Variants in KLRG1 observed in about 807,000 individuals in gnomAD.
KLRG1 encodes killer cell lectin-like receptor subfamily G member 1.
Under a neutral mutation model 21.8 loss-of-function variants are expected in KLRG1, and 16 were observed. That is an observed-to-expected ratio of 0.73 (90% confidence interval 0.50 to 1.11). The LOEUF (loss-of-function observed/expected upper bound fraction) is 1.11. Ranked by LOEUF, KLRG1 falls within the 50% of genes most tolerant of loss-of-function variation. The probability of loss-of-function intolerance (pLI) is 0.00; values close to 1 mark genes in which losing one functional copy is unlikely to be tolerated. For synonymous variants in KLRG1, 69 were observed against 75.9 expected (o/e 0.91, Z 0.47); for missense variants, 173 against 218.3 (o/e 0.79, Z 1.31).
chr12:9,081,851 G>A, the KLRG1 span, among the ~76,000 whole-genome samples: 1 of 152,208 alleles, frequency 6.6e-6, no homozygotes, highest in African/African-American at 2.4e-5. Flanking sequence ...AGCTCACAGT[G>A]ACCAGCATGT....
the KLRG1 span, among the ~76,000 whole-genome samples, chr12:9,181,349 C>CA: frequency 6.6e-6 from 1 of 152,302 alleles, no homozygotes; most frequent in East Asian, 1.9e-4. Context: ...ACTCTAGAGA[C>CA]ATAAATAGTT....
At chr12:9,010,926 G>C (rs144511531), downstream of KLRG1, among the ~76,000 whole-genome samples, 1 of 152,124 alleles carries the variant, frequency 6.6e-6, no homozygotes, top group Admixed American at 6.5e-5. Flanking sequence ...GAAGGAAGTC[G>C]TGGAAACAAG....
chr12:9,183,184 G>A, the KLRG1 span, among the ~76,000 whole-genome samples: 1 of 152,162 alleles, frequency 6.6e-6, no homozygotes, highest in Non-Finnish European at 1.5e-5. Flanking sequence ...ATATCAGGAT[G>A]AACAAGGCTA....
chr12:9,093,891 T>TCAAA, the KLRG1 span, among the ~76,000 whole-genome samples: 3,413 of 151,006 alleles, frequency 0.023, 131 homozygotes, highest in African/African-American at 0.078. Context: ...AGACTTCGTC[T>TCAAA]CAAACAAACA....
chr12:9,090,212 G>A, the KLRG1 span: 4 of 1,388,876 alleles, frequency 2.9e-6, no homozygotes, highest in Middle Eastern at 1.8e-4. Context: ...GGATATCCTT[G>A]TAGGCATCTT....
At chr12:9,195,279 G>A in the KLRG1 span, among the ~76,000 whole-genome samples, 2 of 152,022 alleles carry the variant, frequency 1.3e-5, no homozygotes, top group African/African-American at 2.4e-5. Context: ...TTTGGTGTAC[G>A]ATAATTATTC....
chr12:9,194,226 C>T, the KLRG1 span: 1 of 1,613,786 alleles, frequency 6.2e-7, no homozygotes, highest in South Asian at 1.1e-5. Context: ...CCTTTTCCAT[C>T]CACCAGAAGC....
the KLRG1 span, among the ~76,000 whole-genome samples, chr12:9,086,694 G>A: frequency 2.0e-5 from 3 of 152,232 alleles, no homozygotes; most frequent in South Asian, 6.2e-4. Context: ...TTTAACAGTG[G>A]AAAATTGAAA....
chr12:8,976,286 T>C (rs139007417), intron 1 of KLRG1, among the ~76,000 whole-genome samples: 14 of 152,352 alleles, frequency 9.2e-5, no homozygotes, highest in African/African-American at 2.6e-4. Context: ...TTATTAGTTA[T>C]TGATTTTTAT....
At chr12:9,086,282 C>T in the KLRG1 span, among the ~76,000 whole-genome samples, 1 of 152,134 alleles carries the variant, frequency 6.6e-6, no homozygotes, top group Non-Finnish European at 1.5e-5. Flanking sequence ...TGGCATACAC[C>T]TGTGGGTGGC....
At chr12:9,004,231 G>A (rs959161530) in intron 3 of KLRG1, among the ~76,000 whole-genome samples, 1 of 152,166 alleles carries the variant, frequency 6.6e-6, no homozygotes, top group Non-Finnish European at 1.5e-5. Context: ...TAATGGGATG[G>A]CAGGGTCAAA....
At chr12:9,203,426 T>C in the KLRG1 span, among the ~76,000 whole-genome samples, 3 of 150,312 alleles carry the variant, frequency 2.0e-5, no homozygotes, top group Admixed American at 2.0e-4. Flanking sequence ...ACTGCAAACT[T>C]CGCCTCCCGG....
the KLRG1 span, among the ~76,000 whole-genome samples, chr12:9,138,853 G>C: frequency 1.3e-5 from 2 of 150,230 alleles, no homozygotes; most frequent in Non-Finnish European, 3.0e-5. Flanking sequence ...TTTTTTTTTA[G>C]TCTAAATAAG....
the KLRG1 span, chr12:9,181,061 C>T: frequency 5.8e-5 from 93 of 1,614,094 alleles, 1 homozygote; most frequent in South Asian, 6.4e-4. Flanking sequence ...AGAGGGACTG[C>T]GGAGCAGCTG....
the KLRG1 span, chr12:9,192,823 T>C: frequency 2.2e-6 from 2 of 899,530 alleles, no homozygotes; most frequent in Non-Finnish European, 3.5e-6. Flanking sequence ...GTTACAACGG[T>C]GTCTTCCACT....
chr12:9,181,856 T>A, the KLRG1 span: 1 of 1,122,516 alleles, frequency 8.9e-7, no homozygotes. Flanking sequence ...CATAAACTTG[T>A]TGGGAACTGT....
At chr12:9,192,615 A>C in the KLRG1 span, 18 of 1,614,208 alleles carry the variant, frequency 1.1e-5, no homozygotes, top group Non-Finnish European at 1.4e-5. Flanking sequence ...GGTACCAGCC[A>C]CAGGCTCCAG....
At chr12:9,149,072 G>T in the KLRG1 span, 1 of 1,311,254 alleles carries the variant, frequency 7.6e-7, no homozygotes, top group Non-Finnish European at 1.1e-6. Flanking sequence ...AGCAGAGTGA[G>T]CTTATGCAGG....
At chr12:9,028,449 CTT>C in the KLRG1 span, among the ~76,000 whole-genome samples, 17 of 144,408 alleles carry the variant, frequency 1.2e-4, no homozygotes, top group Admixed American at 2.7e-4. Context: ...CACGCCAGGC[CTT>C]TTTTTTTTTT....
Sources: allele counts gnomAD v4.1 joint callset (sites outside exome capture counted in the v4.1 genomes callset), GRCh38; gene constraint gnomAD v4.1.1; transcripts MANE v1.5; gene names NCBI Gene and HGNC (gene_info 2026-07-23, HGNC 2026-07-21).